Variants in PSTPIP2 observed in about 807,000 individuals in gnomAD.
The protein encoded by PSTPIP2 is proline-serine-threonine phosphatase-interacting protein 2.
Under a neutral mutation model 63.3 loss-of-function variants are expected in PSTPIP2, and 33 were observed. The observed-to-expected ratio is 0.52, with a 90% confidence interval of 0.40 to 0.70. PSTPIP2 has a LOEUF of 0.70. Ranked by LOEUF, PSTPIP2 falls within the 30% of genes least tolerant of loss-of-function variation. The pLI, the probability that PSTPIP2 is intolerant of heterozygous loss-of-function variation, is 0.00. For missense variants in PSTPIP2, 312 were observed against 400.7 expected (o/e 0.78, Z 1.89); for synonymous variants, 125 against 132.7 (o/e 0.94, Z 0.40).
intron 1 of PSTPIP2, among the ~76,000 whole-genome samples, chr18:46,066,834 G>C (rs1319746335): frequency 1.3e-5 from 2 of 152,124 alleles, no homozygotes; most frequent in Non-Finnish European, 2.9e-5. Flanking sequence ...AGACCAGCCT[G>C]CCCAACCTGG....
In PSTPIP2 at chr18:45,999,362, T is replaced by C. The variant is rs538331434; in HGVS notation, c.516+74A>G. 1.8e-4 allele frequency: 244 copies of C among 1,369,890 alleles called. 2 individuals are homozygous for C. In the Admixed American group the frequency reaches 4.1e-3, roughly 23 times the overall value. 84.9% of individuals were successfully genotyped at this position (1,369,890 alleles called of 1,614,324 possible). On this transcript the variant is annotated intron_variant, in intron 7 of 14. Coordinates refer to ENST00000409746, the MANE Select transcript of PSTPIP2 (RefSeq NM_024430.4). ...GTTTAGGATACAGGTTCATTTCTTA[T>C]GAAGATTCATAATTGGCTTTAGCCT...
chr18:46,071,565 C>T (rs1255427839), intron 1 of PSTPIP2, among the ~76,000 whole-genome samples: 1 of 152,082 alleles, frequency 6.6e-6, no homozygotes, highest in Non-Finnish European at 1.5e-5. Context: ...GGGGAGGGGG[C>T]TCGGGAAACA....
chr18:46,034,591 C>T (rs1201908563), intron 2 of PSTPIP2, among the ~76,000 whole-genome samples: 1 of 152,174 alleles, frequency 6.6e-6, no homozygotes, highest in Non-Finnish European at 1.5e-5. Flanking sequence ...GGTTGTGGAA[C>T]TTGCCTAAGA....
chr18:46,024,283 A>C (rs1249653886), intron 3 of PSTPIP2, among the ~76,000 whole-genome samples: 4 of 151,960 alleles, frequency 2.6e-5, no homozygotes, highest in Non-Finnish European at 5.9e-5. Flanking sequence ...GACTACAGGC[A>C]TGGGCCACCA....
intron 6 of PSTPIP2, among the ~76,000 whole-genome samples, chr18:46,005,103 G>A (rs1289768054): frequency 6.6e-6 from 1 of 152,080 alleles, no homozygotes; most frequent in African/African-American, 2.4e-5. Flanking sequence ...GCAAACTAAT[G>A]CAGGAACAGA....
At chr18:46,037,445 C>T (rs1305276855) in intron 2 of PSTPIP2, among the ~76,000 whole-genome samples, 1 of 152,120 alleles carries the variant, frequency 6.6e-6, no homozygotes, top group African/African-American at 2.4e-5. Flanking sequence ...CCACGCCCTG[C>T]CTCTACATGT....
At chr18:46,065,160 A>AAAAG (rs1555693036) in intron 1 of PSTPIP2, among the ~76,000 whole-genome samples, 21 of 150,320 alleles carry the variant, frequency 1.4e-4, no homozygotes, top group African/African-American at 4.9e-4. Context: ...AAAAAAAAAA[A>AAAAG]AAAAGAAAAG....
chr18:46,028,177 C>A, intron 2 of PSTPIP2: 1 of 338,350 alleles, frequency 3.0e-6, no homozygotes, highest in Non-Finnish European at 5.9e-6. Flanking sequence ...AAAAGAGGCG[C>A]GCATGCGCAG....
At chr18:46,063,584 T>C (rs1909065305) in intron 1 of PSTPIP2, among the ~76,000 whole-genome samples, 1 of 151,780 alleles carries the variant, frequency 6.6e-6, no homozygotes, top group Non-Finnish European at 1.5e-5. Flanking sequence ...CACTGTGTCA[T>C]GCCTATACTG....
At chr18:46,007,873 C>T (rs1469965874) in intron 5 of PSTPIP2, among the ~76,000 whole-genome samples, 4 of 152,170 alleles carry the variant, frequency 2.6e-5, no homozygotes, top group Admixed American at 6.5e-5. Context: ...ACTTGACAGG[C>T]GTGGACCCTG....
chr18:46,010,565 T>C (rs145185002), intron 5 of PSTPIP2, among the ~76,000 whole-genome samples: 6 of 152,376 alleles, frequency 3.9e-5, no homozygotes, highest in African/African-American at 1.4e-4. Context: ...AACACTTTGA[T>C]ATAAACCTGG....
At chr18:45,994,653 G>A (rs541419439) in intron 9 of PSTPIP2, among the ~76,000 whole-genome samples, 65 of 152,212 alleles carry the variant, frequency 4.3e-4, no homozygotes, top group African/African-American at 1.3e-3. Flanking sequence ...TACAAGTGTA[G>A]AGAGGTACAG....
rs1907402613 is a variant in PSTPIP2 at position 46,022,550 on chromosome 18, C to A, written c.212+2059G>T. 2.0e-5 allele frequency among the ~76,000 whole-genome samples: 3 copies of A among 152,098 alleles called. No individual in the cohort carries two copies. The South Asian group carries it at 6.2e-4, about 32-fold the overall frequency. The stretch of plus-strand genomic sequence containing the variant: ...GAAATTTCCAAATGAGTAGGACTGG[C>A]TACATAATTTGTGACTCCTACTGCA... On this transcript the variant is annotated intron_variant, in intron 3 of 14. Coordinates refer to ENST00000409746, the MANE Select transcript of PSTPIP2 (RefSeq NM_024430.4).
At chr18:46,063,834 A>C (rs1429218455) in intron 1 of PSTPIP2, among the ~76,000 whole-genome samples, 4 of 152,224 alleles carry the variant, frequency 2.6e-5, no homozygotes, top group African/African-American at 9.6e-5. Flanking sequence ...GCAGAAAAAA[A>C]GACAATAGCT....
rs557777427 is a variant in PSTPIP2, at chr18:46,015,466, G to T, written c.247+437C>A. Among the ~76,000 whole-genome samples, 5 of 152,202 alleles carry T rather than the reference G, an allele frequency of 3.3e-5. No homozygotes were observed. The South Asian group carries it at 1.0e-3, about 32-fold the overall frequency. On this transcript the variant is annotated intron_variant, in intron 4 of 14. Coordinates refer to ENST00000409746, the MANE Select transcript of PSTPIP2 (RefSeq NM_024430.4). Reference sequence around the variant, plus strand: ...GGAGCACTTGGATGACAGTGTCTCCGAGTTAGACCTAAGAAGTATAGACGA... The same window carrying T: ...GGAGCACTTGGATGACAGTGTCTCCTAGTTAGACCTAAGAAGTATAGACGA...
At chr18:46,025,338 T>G in intron 2 of PSTPIP2, among the ~76,000 whole-genome samples, 1 of 152,116 alleles carries the variant, frequency 6.6e-6, no homozygotes, top group East Asian at 1.9e-4. Flanking sequence ...ATCCTCACGG[T>G]AAAAGACTGT....
chr18:46,005,481 C>T lies in PSTPIP2; in HGVS notation c.405G>A (p.Lys135=), dbSNP rs1353430549. The T allele has an allele frequency of 6.2e-7, 1 of 1,600,002 alleles. No homozygotes were observed. Among genetic ancestry groups the T allele is most frequent in the Non-Finnish European group, 8.6e-7 (1 of 1,168,340 alleles). ...AAATGTGACTCACATCCATGGTTTT[C>T]TTGAATTGTAAGCTCTTTTGTTTAT... ...AIHKQKSLQF[K]KTMDAKKNYE... is the part of the protein sequence containing the mutation. Residue 135 remains lysine, a synonymous_variant, in exon 6 of 15, where the codon AAG becomes AAA. Transcript: ENST00000409746.
intron 1 of PSTPIP2, among the ~76,000 whole-genome samples, chr18:46,043,097 A>G (rs1276464359): frequency 6.6e-6 from 1 of 151,936 alleles, no homozygotes; most frequent in African/African-American, 2.4e-5. Context: ...CTTAATTAAG[A>G]AAAAGGGGCC....
chr18:46,067,794 C>T (rs548680514), intron 1 of PSTPIP2, among the ~76,000 whole-genome samples: 7 of 152,286 alleles, frequency 4.6e-5, no homozygotes, highest in African/African-American at 1.7e-4. Flanking sequence ...CTCTCTGAAC[C>T]TTTACTGGTT....
Sources: gnomAD v4.1 joint callset for allele counts (sites outside exome capture counted in the v4.1 genomes callset) on GRCh38, gnomAD v4.1.1 for gene constraint, MANE v1.5 for transcripts, NCBI Gene and HGNC (gene_info 2026-07-23, HGNC 2026-07-21) for gene names.